The following MLLT10 variants were observed in gnomAD, a reference collection of about 807,000 sequenced individuals.
The protein encoded by MLLT10 is MLLT10 histone lysine methyltransferase DOT1L cofactor, also known as protein AF-10.
In MLLT10, 30 loss-of-function variants were observed where a neutral mutation model predicts 129.1. That is an observed-to-expected ratio of 0.23 (90% confidence interval 0.17 to 0.32). MLLT10 has a LOEUF of 0.32. Among genes scored for constraint, MLLT10 ranks in the 10% least tolerant of loss-of-function variants. MLLT10 has a pLI of 1.00. For missense variants in MLLT10, 1,119 were observed against 1,268.3 expected (o/e 0.88, Z 1.79); for synonymous variants, 490 against 446.4 (o/e 1.10, Z -1.23).
chr10:21,593,351 AGTGCTGGGCTTACGG>A (rs1458053225), intron 4 of MLLT10, among the ~76,000 whole-genome samples: 21 of 152,216 alleles, frequency 1.4e-4, no homozygotes, highest in African/African-American at 4.6e-4. Flanking sequence ...AGCCTTCCAA[AGTGCTGGGCTTACGG>A]GTGTGAGCCC....
At chr10:21,537,835 A>G (rs1387436548) in intron 2 of MLLT10, among the ~76,000 whole-genome samples, 1 of 152,188 alleles carries the variant, frequency 6.6e-6, no homozygotes. Context: ...TAGCAAGCTC[A>G]TGCAGAAGTC....
At chr10:21,628,269 A>G (rs1488345534) in intron 8 of MLLT10, among the ~76,000 whole-genome samples, 1 of 152,098 alleles carries the variant, frequency 6.6e-6, no homozygotes, top group Non-Finnish European at 1.5e-5. Context: ...TAGTATAGCA[A>G]TTTACCCTGA....
chr10:21,729,126 C>T (rs2057752504), intron 16 of MLLT10, among the ~76,000 whole-genome samples: 4 of 151,776 alleles, frequency 2.6e-5, no homozygotes, highest in Non-Finnish European at 5.9e-5. Context: ...TCTTTGGAAA[C>T]CAGGAATCTG....
chr10:21,721,324 G>A (rs1327343354), intron 14 of MLLT10, among the ~76,000 whole-genome samples: 1 of 152,030 alleles, frequency 6.6e-6, no homozygotes, highest in African/African-American at 2.4e-5. Context: ...TATTTTCATC[G>A]GTATTAGTCT....
chr10:21,573,354 C>T (rs192043971), intron 3 of MLLT10, among the ~76,000 whole-genome samples: 36 of 152,220 alleles, frequency 2.4e-4, no homozygotes, highest in Admixed American at 2.1e-3. Context: ...AGCATGACTG[C>T]CATTGAAAAG....
intron 3 of MLLT10, among the ~76,000 whole-genome samples, chr10:21,539,222 A>G (rs2034634278): frequency 6.6e-6 from 1 of 152,210 alleles, no homozygotes; most frequent in Non-Finnish European, 1.5e-5. Flanking sequence ...AATCATAGTT[A>G]AAATATAATG....
intron 9 of MLLT10, among the ~76,000 whole-genome samples, chr10:21,664,944 C>CTTTTTTTTTT (rs146373535): frequency 8.4e-6 from 1 of 119,392 alleles, no homozygotes; most frequent in Non-Finnish European, 1.7e-5. Flanking sequence ...TTTTTCTTTT[C>CTTTTTTTTTT]TTTTTTTTTT....
At chr10:21,543,104 A>G (rs947732978) in intron 3 of MLLT10, among the ~76,000 whole-genome samples, 2 of 150,798 alleles carry the variant, frequency 1.3e-5, no homozygotes, top group African/African-American at 4.9e-5. Flanking sequence ...GATTACAGAC[A>G]CCATGCCCGG....
At chr10:21,606,529 A>C (rs1589197369) in intron 5 of MLLT10, among the ~76,000 whole-genome samples, 1 of 152,194 alleles carries the variant, frequency 6.6e-6, no homozygotes, top group South Asian at 2.1e-4. Flanking sequence ...GAGGAGGTCA[A>C]AATATCAACA....
intron 14 of MLLT10, among the ~76,000 whole-genome samples, chr10:21,717,554 T>TTCTTCTTTCTTCCTCTTCC (rs1186657131): frequency 3.1e-4 from 33 of 106,620 alleles, no homozygotes; most frequent in African/African-American, 9.5e-4. Flanking sequence ...TTCTTCTTTC[T>TTCTTCTTTCTTCCTCTTCC]TCTTCTTTCT....
chr10:21,684,851 T>A (rs1473039446), intron 13 of MLLT10, among the ~76,000 whole-genome samples: 1 of 152,250 alleles, frequency 6.6e-6, no homozygotes, highest in African/African-American at 2.4e-5. Context: ...TAGAAGCTAC[T>A]TGTAGTTTCC....
intron 8 of MLLT10, among the ~76,000 whole-genome samples, chr10:21,632,898 A>C (rs1042177704): frequency 3.9e-5 from 6 of 152,228 alleles, no homozygotes; most frequent in Non-Finnish European, 7.3e-5. Flanking sequence ...ATGACACAGC[A>C]GTATTATAAT....
At chr10:21,625,307 G>A (rs1212326366) in intron 8 of MLLT10, 1 of 809,084 alleles carries the variant, frequency 1.2e-6, no homozygotes, top group African/African-American at 1.7e-5. Flanking sequence ...AGCCATAACA[G>A]CTGCTCGTCT....
intron 8 of MLLT10, among the ~76,000 whole-genome samples, chr10:21,631,434 ATT>A (rs1225647026): frequency 1.6e-4 from 23 of 145,816 alleles, no homozygotes; most frequent in African/African-American, 5.0e-4. Flanking sequence ...AGTCCCTGGA[ATT>A]TTTTTTTTTT....
intron 8 of MLLT10, among the ~76,000 whole-genome samples, chr10:21,620,110 A>T (rs2045662450): frequency 6.6e-6 from 1 of 151,756 alleles, no homozygotes; most frequent in African/African-American, 2.4e-5. Flanking sequence ...TTGTATTTTT[A>T]GTAGAGACGG....
intron 3 of MLLT10, among the ~76,000 whole-genome samples, chr10:21,574,748 C>T (rs1307198734): frequency 2.0e-5 from 3 of 152,050 alleles, no homozygotes; most frequent in Non-Finnish European, 2.9e-5. Context: ...ACTGTCATGG[C>T]GCTTGTGGGA....
At chr10:21,534,850 G>A (rs866430806) in intron 2 of MLLT10, 46 bp downstream of exon 2, 1 of 1,440,306 alleles carries the variant, frequency 6.9e-7, no homozygotes, top group Non-Finnish European at 9.2e-7. Flanking sequence ...TGCGCCCAAC[G>A]GTCACCGCCG....
chr10:21,703,470 A>G (rs1482270366), intron 13 of MLLT10, among the ~76,000 whole-genome samples: 1 of 152,128 alleles, frequency 6.6e-6, no homozygotes, highest in Non-Finnish European at 1.5e-5. Flanking sequence ...TGTGCCGTAG[A>G]GAAGACCTTT....
chr10:21,577,999 G>A (rs756933393), intron 3 of MLLT10, among the ~76,000 whole-genome samples: 5 of 151,924 alleles, frequency 3.3e-5, no homozygotes, highest in Non-Finnish European at 5.9e-5. Flanking sequence ...GGGTTCAAGC[G>A]ATTCTCGTGC....
Sources: allele counts gnomAD v4.1 joint callset (sites outside exome capture counted in the v4.1 genomes callset), GRCh38; gene constraint gnomAD v4.1.1; transcripts MANE v1.5; gene names NCBI Gene and HGNC (gene_info 2026-07-23, HGNC 2026-07-21).